The following ZFHX3 variants were observed in gnomAD, a reference collection of about 807,000 sequenced individuals.
ZFHX3 encodes zinc finger homeobox 3.
A neutral mutation model predicts 279.1 loss-of-function variants in ZFHX3; 42 were observed. The observed-to-expected ratio is 0.15, with a 90% CI of 0.12 to 0.19. The LOEUF (loss-of-function observed/expected upper bound fraction) is 0.19, where lower values mean the gene tolerates loss of function less well. ZFHX3 is among the 10% of genes least tolerant of loss of function. The pLI is 1.00. For synonymous variants in ZFHX3, 2,293 were observed against 1,957.8 expected (o/e 1.17, Z -4.52); for missense variants, 4,981 against 4,754.0 (o/e 1.05, Z -1.40).
chr16:73,643,105 C>T, intron 2 of ZFHX3, among the ~76,000 whole-genome samples: 1 of 152,162 alleles, frequency 6.6e-6, no homozygotes, highest in East Asian at 1.9e-4. Flanking sequence ...TATCTGGAGG[C>T]TCCGTCAGCA....
intron 1 of ZFHX3, among the ~76,000 whole-genome samples, chr16:73,813,491 T>C (rs1597127258): frequency 6.6e-6 from 1 of 152,082 alleles, no homozygotes; most frequent in East Asian, 1.9e-4. Context: ...TGTAAGTCCA[T>C]TTCAGTAAAA....
At chr16:73,476,017 G>T (rs74028671) in intron 2 of ZFHX3, among the ~76,000 whole-genome samples, 14 of 152,080 alleles carry the variant, frequency 9.2e-5, no homozygotes, top group Non-Finnish European at 1.6e-4. Flanking sequence ...AAAAGAAATC[G>T]TAATTTTGAA....
intron 5 of ZFHX3, among the ~76,000 whole-genome samples, chr16:73,237,731 T>C (rs895241517): frequency 8.5e-5 from 13 of 152,222 alleles, no homozygotes; most frequent in African/African-American, 2.2e-4. Context: ...TGAGGTTTTT[T>C]TTCTCATAGC....
At chr16:73,569,444 C>T (rs1214184260) in intron 2 of ZFHX3, among the ~76,000 whole-genome samples, 1 of 151,660 alleles carries the variant, frequency 6.6e-6, no homozygotes, top group Non-Finnish European at 1.5e-5. Context: ...ACCGATGTTC[C>T]CATTAACATA....
In ZFHX3 at chr16:72,793,691, G is replaced by A. The variant is rs2143384778; in HGVS notation, c.8991C>T (p.Ala2997=). 1 of 1,614,102 alleles carries A rather than the reference G, an allele frequency of 6.2e-7. No individual in the cohort carries two copies. Among genetic ancestry groups the A allele is most frequent in the Non-Finnish European group, 8.5e-7 (1 of 1,180,034 alleles). ...ACTTGGACTTCTTTTCTTTTGCCCGGGCATTCTGGAACCAGACCTGAACGA... is the reference window on the plus strand; with the variant it reads ...ACTTGGACTTCTTTTCTTTTGCCCGAGCATTCTGGAACCAGACCTGAACGA... The part of the protein sequence containing the change: ...KRVVQVWFQN[A]RAKEKKSKLS... Residue 2997 remains alanine (A), a synonymous_variant, in exon 9 of 10, where the codon GCC becomes GCT. Coordinates refer to ENST00000268489, the MANE Select transcript of ZFHX3 (RefSeq NM_006885.4). This position sits in a 1 kb window ranked among gnomAD's most constrained non-coding sequence, Gnocchi z 4.3.
chr16:73,729,156 C>A (rs1001922668), intron 1 of ZFHX3, among the ~76,000 whole-genome samples: 5 of 152,182 alleles, frequency 3.3e-5, no homozygotes, highest in African/African-American at 1.2e-4. Flanking sequence ...GGAAGGAATT[C>A]CAGTTCCTCA....
At chr16:73,298,770 A>T (rs1002072141) in intron 4 of ZFHX3, among the ~76,000 whole-genome samples, 3 of 152,164 alleles carry the variant, frequency 2.0e-5, no homozygotes, top group African/African-American at 7.2e-5. Context: ...CAAAAGAGAA[A>T]CTAACATTCC....
At chr16:73,220,161 G>T (rs2012362668) in intron 5 of ZFHX3, among the ~76,000 whole-genome samples, 1 of 151,964 alleles carries the variant, frequency 6.6e-6, no homozygotes, top group African/African-American at 2.4e-5. Context: ...TAGACATAAA[G>T]ATGGCAACAA....
chr16:72,824,152 G>C (rs569381292), intron 5 of ZFHX3, among the ~76,000 whole-genome samples: 1 of 152,160 alleles, frequency 6.6e-6, no homozygotes, highest in African/African-American at 2.4e-5. Flanking sequence ...AAAGGCAGCA[G>C]GTCTGTAGGA....
intron 3 of ZFHX3, among the ~76,000 whole-genome samples, chr16:72,915,749 C>T (rs1247483833): frequency 6.7e-6 from 1 of 148,192 alleles, no homozygotes; most frequent in Non-Finnish European, 1.5e-5. Context: ...TGTGACAGAG[C>T]AAGACTCTGT....
chr16:73,647,241 T>G (rs2052627889), intron 2 of ZFHX3, among the ~76,000 whole-genome samples: 1 of 152,154 alleles, frequency 6.6e-6, no homozygotes, highest in Admixed American at 6.5e-5. Flanking sequence ...CTCAATCTCC[T>G]GACCTTGTGA....
intron 1 of ZFHX3, among the ~76,000 whole-genome samples, chr16:73,736,346 G>C (rs879584901): frequency 6.6e-6 from 1 of 152,142 alleles, no homozygotes; most frequent in Admixed American, 6.5e-5. Context: ...ATCATGGAAG[G>C]TCTACTCTCT....
chr16:73,023,932 C>A (rs1330141635), intron 1 of ZFHX3, among the ~76,000 whole-genome samples: 2 of 152,180 alleles, frequency 1.3e-5, no homozygotes, highest in African/African-American at 4.8e-5. Flanking sequence ...CTCCTCCCAC[C>A]CTATCTGTAG....
rs532879818 is a variant in ZFHX3 at position 73,217,318 on chromosome 16, G to A, written c.-1104+39729C>T. Among the ~76,000 whole-genome samples, 60 of 152,282 alleles carry A rather than the reference G, an allele frequency of 3.9e-4. 1 individual carries two copies. Among genetic ancestry groups the A allele is most frequent in the Non-Finnish European group, 4.1e-4 (28 of 68,040 alleles). On this transcript the variant is annotated intron_variant, in intron 5 of 17. Coordinates refer to the ZFHX3 transcript ENST00000641206. The stretch of plus-strand genomic sequence containing the variant: ...ATGCCTCAGCAACACCTGGAGAAGT[G>A]GAACATGACCGTCCGATTTGAGTTC...
chr16:73,730,764 A>C (rs1334105072), intron 1 of ZFHX3, among the ~76,000 whole-genome samples: 2 of 152,224 alleles, frequency 1.3e-5, no homozygotes, highest in African/African-American at 2.4e-5. Flanking sequence ...AGCAAGTGCC[A>C]GTATGGAGCT....
chr16:73,831,789 G>T (rs545857256), intron 1 of ZFHX3, among the ~76,000 whole-genome samples: 1 of 152,234 alleles, frequency 6.6e-6, no homozygotes, highest in East Asian at 1.9e-4. Flanking sequence ...AAGGGGCGGA[G>T]GAAGTTCACC....
chr16:72,932,836 C>T (rs1407874436), intron 3 of ZFHX3, among the ~76,000 whole-genome samples: 1 of 152,192 alleles, frequency 6.6e-6, no homozygotes, highest in Non-Finnish European at 1.5e-5. Flanking sequence ...TATATGCAGA[C>T]TGCGTCTAGG....
intron 2 of ZFHX3, among the ~76,000 whole-genome samples, chr16:73,658,556 G>A (rs1439051803): frequency 1.3e-5 from 2 of 152,118 alleles, no homozygotes; most frequent in African/African-American, 2.4e-5. Flanking sequence ...GCCCTCCTTG[G>A]TCTCCCAAAG....
At chr16:73,871,028 A>G (rs1243070118) in intron 1 of ZFHX3, among the ~76,000 whole-genome samples, 1 of 152,196 alleles carries the variant, frequency 6.6e-6, no homozygotes, top group Admixed American at 6.5e-5. Flanking sequence ...TGTAGATTGC[A>G]AGGAAGCCAT....
Sources: gnomAD v4.1 joint callset for allele counts (sites outside exome capture counted in the v4.1 genomes callset) on GRCh38, gnomAD v4.1.1 for gene constraint, Gnocchi (gnomAD v3.1) non-coding constraint, MANE v1.5 for transcripts, NCBI Gene and HGNC (gene_info 2026-07-23, HGNC 2026-07-21) for gene names.